The following LOXL2 variants were observed in gnomAD, a reference collection of about 807,000 sequenced individuals.
LOXL2 encodes the protein lysyl oxidase homolog 2.
LOXL2 carries 70 observed loss-of-function variants against 93.0 expected under a neutral mutation model. The ratio of observed to expected loss-of-function variants is 0.75; its 90% CI spans 0.62 to 0.92. LOXL2 has a LOEUF of 0.92. Ranked by LOEUF, LOXL2 falls within the 40% of genes least tolerant of loss-of-function variation. The probability of loss-of-function intolerance (pLI) is 0.00; values close to 1 mark genes in which losing one functional copy is unlikely to be tolerated. For missense variants in LOXL2, 973 were observed against 1,054.9 expected, an observed-to-expected ratio of 0.92 and a Z score of 1.08; for synonymous variants, 438 against 413.2, an observed-to-expected ratio of 1.06 and a Z score of -0.73.
chr8:23,345,422 G>A (rs757854445), intron 3 of LOXL2, among the ~76,000 whole-genome samples: 1 of 152,206 alleles, frequency 6.6e-6, no homozygotes, highest in Non-Finnish European at 1.5e-5. Flanking sequence ...ACCCCATGTC[G>A]AGGGGCAGTG....
chr8:23,324,265 G>A (rs966988462), intron 6 of LOXL2, among the ~76,000 whole-genome samples: 18 of 152,184 alleles, frequency 1.2e-4, no homozygotes, highest in Non-Finnish European at 2.5e-4. Flanking sequence ...TCTGGGGTCA[G>A]TCTCCTTGTG....
intron 2 of LOXL2, among the ~76,000 whole-genome samples, chr8:23,367,492 G>A (rs531315293): frequency 2.5e-4 from 38 of 152,314 alleles, no homozygotes; most frequent in Non-Finnish European, 4.7e-4. Flanking sequence ...GTGTGAAAAC[G>A]ATGAACTCCA....
intron 3 of LOXL2, among the ~76,000 whole-genome samples, chr8:23,348,876 C>CAA (rs5890101): frequency 1.9e-4 from 29 of 151,292 alleles, no homozygotes; most frequent in African/African-American, 6.1e-4. Context: ...GACTCCGTCT[C>CAA]AAAAAAAACA....
intron 3 of LOXL2, among the ~76,000 whole-genome samples, chr8:23,350,390 C>A (rs1394280176): frequency 2.6e-5 from 4 of 151,922 alleles, no homozygotes; most frequent in Non-Finnish European, 4.4e-5. Context: ...ACCAGCCTGG[C>A]CAACATGGGG....
chr8:23,352,640 C>G (rs1191097812), intron 3 of LOXL2, among the ~76,000 whole-genome samples: 2 of 151,990 alleles, frequency 1.3e-5, no homozygotes, highest in Non-Finnish European at 2.9e-5. Context: ...AAACCTGGAC[C>G]CAAGGCATTT....
chr8:23,332,595 A>AC (rs1233810232), intron 5 of LOXL2, among the ~76,000 whole-genome samples: 1 of 55,322 alleles, frequency 1.8e-5, no homozygotes, highest in Non-Finnish European at 3.3e-5. Context: ...CCCCCCAGAC[A>AC]CCCCTCACAA....
At position 23,298,895 on chromosome 8, in the gene LOXL2, ATGT is replaced by A. The variant is rs868191012; in HGVS notation, c.2183_2185del (p.Asn728del). On this transcript the variant is annotated inframe_deletion, in exon 13 of 14. Coordinates refer to ENST00000389131, the MANE Select transcript of LOXL2 (RefSeq NM_002318.3). ...GTCATAGCGGCTCCTGCATTTCATG[ATGT>A]TGTTGGAGTAATCGGATTCTGCAAC... is the stretch of plus-strand genomic sequence containing the variant. 1.1e-5 allele frequency: 18 copies of A among 1,613,886 alleles called. No homozygotes were observed. Among genetic ancestry groups the A allele is most frequent in the African/African-American group, 4.0e-5 (3 of 74,900 alleles).
At chr8:23,336,345 C>T (rs961013664) in intron 4 of LOXL2, 3 of 152,212 alleles carry the variant, frequency 2.0e-5, no homozygotes, top group Non-Finnish European at 2.9e-5. Flanking sequence ...TCAGGCCTCC[C>T]AGGGGATACC....
rs193055618 is a variant in LOXL2 at position 23,305,513 on chromosome 8, C to A, written c.1881-2116G>T. 2.0e-5 allele frequency among the ~76,000 whole-genome samples: 3 copies of A among 152,158 alleles called. No homozygotes were observed. The East Asian group carries it at 5.8e-4, about 29-fold the overall frequency. ...TAGAGCCTAGAGCCCCCCCACACCC[C>A]CCGCCCACCAGCACTACCCACCCAT... is the stretch of plus-strand genomic sequence containing the variant. On this transcript the variant is annotated intron_variant, in intron 10 of 13. Coordinates refer to ENST00000389131, the MANE Select transcript of LOXL2 (RefSeq NM_002318.3).
intron 3 of LOXL2, among the ~76,000 whole-genome samples, chr8:23,344,405 CTGTGTCTG>C (rs931709554): frequency 1.3e-5 from 2 of 151,308 alleles, no homozygotes; most frequent in African/African-American, 4.9e-5. Flanking sequence ...GTGTGTATCT[CTGTGTCTG>C]TGTGTGTGCA....
intron 1 of LOXL2, among the ~76,000 whole-genome samples, chr8:23,383,818 G>T (rs895886921): frequency 1.3e-5 from 2 of 151,416 alleles, no homozygotes; most frequent in Non-Finnish European, 2.9e-5. Context: ...CCGCCACCAC[G>T]CCCGGCTAAT....
At chr8:23,399,862 G>C (rs1053371173) in intron 1 of LOXL2, among the ~76,000 whole-genome samples, 4 of 152,176 alleles carry the variant, frequency 2.6e-5, no homozygotes, top group Non-Finnish European at 4.4e-5. Context: ...TAAGGAAAAA[G>C]AATCTATGGC....
intron 3 of LOXL2, among the ~76,000 whole-genome samples, chr8:23,345,361 C>A (rs1007676688): frequency 6.6e-6 from 1 of 151,982 alleles, no homozygotes; most frequent in African/African-American, 2.4e-5. Context: ...TTCTGGGTGT[C>A]CCCTTCAACC....
intron 1 of LOXL2, among the ~76,000 whole-genome samples, chr8:23,378,576 C>T (rs1804627051): frequency 6.6e-6 from 1 of 152,200 alleles, no homozygotes; most frequent in Non-Finnish European, 1.5e-5. Context: ...TTCAGGTACA[C>T]CAATCAGATG....
At chr8:23,385,138 C>CT (rs148051655) in intron 1 of LOXL2, among the ~76,000 whole-genome samples, 18,448 of 152,122 alleles carry the variant, frequency 0.12, 1,377 homozygotes, top group Admixed American at 0.18. Flanking sequence ...CCTGCGCCCC[C>CT]GTCCTGTTCG....
intron 1 of LOXL2, among the ~76,000 whole-genome samples, chr8:23,401,267 C>T (rs1449183036): frequency 1.3e-5 from 2 of 152,070 alleles, no homozygotes; most frequent in Admixed American, 1.3e-4. Flanking sequence ...AAGAACATAA[C>T]AATAGGAATG....
chr8:23,315,927 G>A (rs1348712356), intron 9 of LOXL2, among the ~76,000 whole-genome samples: 1 of 152,200 alleles, frequency 6.6e-6, no homozygotes, highest in Non-Finnish European at 1.5e-5. Flanking sequence ...AAAGGCCCCC[G>A]ACAGGGAAGT....
intron 8 of LOXL2, among the ~76,000 whole-genome samples, chr8:23,319,152 A>G (rs1019547237): frequency 2.6e-5 from 4 of 152,234 alleles, no homozygotes; most frequent in African/African-American, 9.6e-5. Flanking sequence ...TATTCATTCC[A>G]TGTCACAGGG....
rs538218678 is a variant in LOXL2, at chr8:23,297,329, G to T, written c.*714C>A. 6.6e-6 allele frequency: 1 copy of T among 152,348 alleles called. No individual in the cohort carries two copies. The highest frequency in any genetic ancestry group is 2.4e-5 in the African/African-American group (1 of 41,560). The allele number at this position is 152,348 out of a possible 1,614,324, so 9.4% of individuals were successfully genotyped here. ...CAGAATTGGAACAACAGGAAGATGA[G>T]TCACTTACACAGTGGGTTGGTTTTT... On this transcript the variant is annotated 3_prime_UTR_variant, in exon 14 of 14. Coordinates refer to ENST00000389131, the MANE Select transcript of LOXL2 (RefSeq NM_002318.3).
Sources: allele counts gnomAD v4.1 joint callset (sites outside exome capture counted in the v4.1 genomes callset), GRCh38; gene constraint gnomAD v4.1.1; transcripts MANE v1.5; gene names NCBI Gene and HGNC (gene_info 2026-07-23, HGNC 2026-07-21).